Variants in RHOQ observed in about 807,000 individuals in gnomAD.
RHOQ encodes ras homolog family member Q.
RHOQ carries 7 observed loss-of-function variants against 25.8 expected under a neutral mutation model. The observed-to-expected ratio is 0.27, with a 90% CI of 0.15 to 0.51. RHOQ has a LOEUF of 0.51. Ranked by LOEUF, RHOQ falls within the 20% of genes least tolerant of loss-of-function variation. The pLI, the probability that RHOQ is intolerant of heterozygous loss-of-function variation, is 0.97. For missense variants in RHOQ, 165 were observed against 260.6 expected, an observed-to-expected ratio of 0.63 and a Z score of 2.53; for synonymous variants, 97 against 98.6, an observed-to-expected ratio of 0.98 and a Z score of 0.10.
At chr2:46,561,988 T>G (rs1049892073) in intron 2 of RHOQ, among the ~76,000 whole-genome samples, 1 of 152,194 alleles carries the variant, frequency 6.6e-6, no homozygotes, top group African/African-American at 2.4e-5. Context: ...TCTCACTGGT[T>G]GCTTAACTAA....
chr2:46,572,107 GTTTTTTT>G (rs746265771), intron 2 of RHOQ, among the ~76,000 whole-genome samples: 1 of 66,252 alleles, frequency 1.5e-5, no homozygotes, highest in Admixed American at 1.7e-4. Flanking sequence ...GTAAGTGTGT[GTTTTTTT>G]TTTTTTTTTT....
intron 2 of RHOQ, among the ~76,000 whole-genome samples, chr2:46,572,958 G>A (rs1352552055): frequency 1.3e-5 from 2 of 152,136 alleles, no homozygotes; most frequent in Admixed American, 6.5e-5. Context: ...ATGATGCAGG[G>A]TACAGTATGC....
At position 46,548,009 on chromosome 2, in the gene RHOQ, A is replaced by G. The variant is rs918822487; in HGVS notation, c.201+4197A>G. 4.6e-5 allele frequency among the ~76,000 whole-genome samples: 7 copies of G among 152,140 alleles called. No individual in the cohort carries two copies. The highest frequency in any genetic ancestry group is 1.3e-4 in the Admixed American group (2 of 15,268). ...AGTTTATTCAGGTCCCAGAATATCC[A>G]CACTCAGGAGGATGTGTGTTGGGGG... On this transcript the variant is annotated intron_variant, in intron 2 of 4. Coordinates refer to ENST00000238738, the MANE Select transcript of RHOQ (RefSeq NM_012249.4). The surrounding 1 kb of genome is among the most constrained non-coding windows in gnomAD (Gnocchi z 5.2).
intron 4 of RHOQ, among the ~76,000 whole-genome samples, chr2:46,577,887 A>G (rs1669192285): frequency 6.6e-6 from 1 of 152,156 alleles, no homozygotes; most frequent in African/African-American, 2.4e-5. Flanking sequence ...TAAATGTCAT[A>G]AAGATAAAAG....
At position 46,551,327 on chromosome 2, in the gene RHOQ, G is replaced by T. The variant is rs566294178; in HGVS notation, c.201+7515G>T. 6.6e-5 allele frequency among the ~76,000 whole-genome samples: 10 copies of T among 152,256 alleles called. No individual in the cohort carries two copies. The East Asian group carries it at 1.9e-3, about 29-fold the overall frequency. ...CAGCAGTGGCTCCTCTACTCCACCC[G>T]ATGTGTGCTGAACACATCATCTCAT... On this transcript the variant is annotated intron_variant, in intron 2 of 4. Coordinates refer to ENST00000238738, the MANE Select transcript of RHOQ (RefSeq NM_012249.4).
At chr2:46,561,001 A>AACACACAC (rs61040858) in intron 2 of RHOQ, among the ~76,000 whole-genome samples, 45 of 141,344 alleles carry the variant, frequency 3.2e-4, no homozygotes, top group African/African-American at 9.6e-4. Flanking sequence ...AGACCCCATA[A>AACACACAC]ACACACACAC....
At chr2:46,543,281 G>A in intron 1 of RHOQ, 93 bp downstream of exon 1, 1 of 1,437,504 alleles carries the variant, frequency 7.0e-7, no homozygotes, top group Non-Finnish European at 9.7e-7. Flanking sequence ...TCCCCAGAGC[G>A]CACTCCTCTC....
chr2:46,555,243 T>A lies in RHOQ; in HGVS notation c.201+11431T>A, dbSNP rs1274693174. On this transcript the variant is annotated intron_variant, in intron 2 of 4. Transcript: ENST00000238738. The surrounding 1 kb of genome is among the most constrained non-coding windows in gnomAD (Gnocchi z 4.3). ...TAGTGGTCGAGTCCCTCCTTAGAAT[T>A]TCCACTAAGTGAATTGTCTCCAGGC... 1.3e-5 allele frequency among the ~76,000 whole-genome samples: 2 copies of A among 152,238 alleles called. No homozygotes were observed. The highest frequency in any genetic ancestry group is 2.9e-5 in the Non-Finnish European group (2 of 68,044).
At chr2:46,558,719 C>T (rs1275830347) in intron 2 of RHOQ, among the ~76,000 whole-genome samples, 1 of 152,208 alleles carries the variant, frequency 6.6e-6, no homozygotes. Context: ...CAGTCAGTCT[C>T]TTTTGTTACC....
chr2:46,553,235 C>G (rs747860698), intron 2 of RHOQ, among the ~76,000 whole-genome samples: 5 of 152,120 alleles, frequency 3.3e-5, no homozygotes, highest in Non-Finnish European at 7.3e-5. Context: ...CCACCCCCTG[C>G]CCCCTCCCTC....
chr2:46,549,876 G>T (rs1324824781), intron 2 of RHOQ, among the ~76,000 whole-genome samples: 1 of 152,070 alleles, frequency 6.6e-6, no homozygotes, highest in Non-Finnish European at 1.5e-5. Context: ...CTACCATGTT[G>T]CAGTGCTCAG....
intron 2 of RHOQ, chr2:46,560,541 G>C (rs562759514): frequency 2.2e-6 from 1 of 455,940 alleles, no homozygotes; most frequent in Non-Finnish European, 4.4e-6. Context: ...AGCAAAGCGA[G>C]TTGGATTTCT....
Position 46,542,855 on chromosome 2 carries a change from G to C in RHOQ, c.-192G>C, listed in dbSNP as rs1172705320. ...GGGCGGGGATCCGGGCGGCGACCGC[G>C]GCGGCGGCAGCGCCCCGGGCCCGCC... On this transcript the variant is annotated 5_prime_UTR_variant, in exon 1 of 5. Transcript: ENST00000238738. The C allele has an allele frequency of 4.5e-5, 7 of 155,440 alleles. No homozygotes were observed. Among genetic ancestry groups the C allele is most frequent in the African/African-American group, 1.7e-4 (7 of 40,886 alleles). 9.6% of individuals were successfully genotyped at this position (155,440 alleles called of 1,614,324 possible). A position where few individuals can be genotyped will look rare whatever the true frequency, so the allele number is the denominator to read the frequency against.
At chr2:46,557,991 T>G (rs1044783476) in intron 2 of RHOQ, among the ~76,000 whole-genome samples, 7 of 152,246 alleles carry the variant, frequency 4.6e-5, no homozygotes, top group Non-Finnish European at 2.9e-5. Context: ...ATTTTTTTTC[T>G]TGTACCACTT....
Position 46,551,002 on chromosome 2 carries a change from G to A in RHOQ, c.201+7190G>A, listed in dbSNP as rs1320042769. Reference sequence around the variant, plus strand: ...GGGAGGAGCTTTTTGGAAGATCTAGGCTTGCAGGAAGAGATGGGGGCCAGT... The same window carrying A: ...GGGAGGAGCTTTTTGGAAGATCTAGACTTGCAGGAAGAGATGGGGGCCAGT... On this transcript the variant is annotated intron_variant, in intron 2 of 4. Coordinates refer to ENST00000238738, the MANE Select transcript of RHOQ (RefSeq NM_012249.4). Among the ~76,000 whole-genome samples the A allele has an allele frequency of 2.6e-5, 4 of 152,118 alleles. No individual in the cohort carries two copies. In the South Asian group the frequency reaches 6.2e-4, roughly 24 times the overall value.
intron 2 of RHOQ, among the ~76,000 whole-genome samples, chr2:46,550,094 G>A (rs947586617): frequency 6.6e-6 from 1 of 151,932 alleles, no homozygotes; most frequent in African/African-American, 2.4e-5. Context: ...AGCCAGATGT[G>A]GTAATGCATG....
At chr2:46,557,983 T>A (rs946524607) in intron 2 of RHOQ, among the ~76,000 whole-genome samples, 3 of 152,322 alleles carry the variant, frequency 2.0e-5, no homozygotes, top group South Asian at 4.1e-4. Flanking sequence ...ATGATTATAT[T>A]TTTTTTCTTG....
Position 46,566,637 on chromosome 2 carries a change from C to A in RHOQ, c.202-9450C>A, listed in dbSNP as rs1338567142. Among the ~76,000 whole-genome samples the A allele has an allele frequency of 1.3e-5, 2 of 152,128 alleles. No homozygotes were observed. The highest frequency in any genetic ancestry group is 2.9e-5 in the Non-Finnish European group (2 of 68,026). ...GACTTTTTTGCGGGGGTCGGGGGCT[C>A]ACCTTTTAATGACTTTCCATTGCAG... On this transcript the variant is annotated intron_variant, in intron 2 of 4. Transcript: ENST00000238738. The surrounding 1 kb of genome is among the most constrained non-coding windows in gnomAD (Gnocchi z 4.2).
At chr2:46,578,906 G>A in intron 4 of RHOQ, among the ~76,000 whole-genome samples, 1 of 151,856 alleles carries the variant, frequency 6.6e-6, no homozygotes, top group East Asian at 1.9e-4. Flanking sequence ...GTGTGTGTGT[G>A]TGTATATGTA....
Sources: gnomAD v4.1 joint callset for allele counts (sites outside exome capture counted in the v4.1 genomes callset) on GRCh38, gnomAD v4.1.1 for gene constraint, Gnocchi (gnomAD v3.1) non-coding constraint, MANE v1.5 for transcripts, NCBI Gene and HGNC (gene_info 2026-07-23, HGNC 2026-07-21) for gene names.